Variants in ANKRD31 observed in about 807,000 individuals in gnomAD.
The protein encoded by ANKRD31 is ankyrin repeat domain 31, also known as ankyrin repeat domain-containing protein 31.
In ANKRD31, 147 loss-of-function variants were observed where a neutral mutation model predicts 186.0. The ratio of observed to expected loss-of-function variants is 0.79; its 90% CI spans 0.69 to 0.91. The LOEUF (loss-of-function observed/expected upper bound fraction) is 0.91. Among genes scored for constraint, ANKRD31 ranks in the 40% least tolerant of loss-of-function variants. ANKRD31 has a pLI of 0.00. For missense variants in ANKRD31, 1,986 were observed against 2,148.8 expected, an observed-to-expected ratio of 0.92 and a Z score of 1.50; for synonymous variants, 673 against 736.4, an observed-to-expected ratio of 0.91 and a Z score of 1.39.
chr5:75,117,415 A>G (rs1261929685), intron 18 of ANKRD31, among the ~76,000 whole-genome samples: 2 of 152,156 alleles, frequency 1.3e-5, no homozygotes, highest in African/African-American at 4.8e-5. Flanking sequence ...CTTGACCTTG[A>G]CCTATCCATG....
intron 17 of ANKRD31, among the ~76,000 whole-genome samples, chr5:75,135,613 T>C (rs1443199744): frequency 1.3e-5 from 2 of 152,168 alleles, no homozygotes; most frequent in Non-Finnish European, 2.9e-5. Flanking sequence ...ATAGATTCAA[T>C]GCCATCCCCA....
intron 17 of ANKRD31, among the ~76,000 whole-genome samples, chr5:75,121,078 G>C (rs1748733398): frequency 6.6e-6 from 1 of 151,892 alleles, no homozygotes; most frequent in South Asian, 2.1e-4. Flanking sequence ...AGCTACTTAG[G>C]AGGCTGAGGC....
At chr5:75,205,392 G>A (rs1756110004) in intron 5 of ANKRD31, among the ~76,000 whole-genome samples, 1 of 152,032 alleles carries the variant, frequency 6.6e-6, no homozygotes, top group African/African-American at 2.4e-5. Flanking sequence ...CTCCAGCACT[G>A]GCCCCAGACA....
At chr5:75,156,107 G>T (rs538874498) in intron 11 of ANKRD31, among the ~76,000 whole-genome samples, 1 of 152,204 alleles carries the variant, frequency 6.6e-6, no homozygotes, top group African/African-American at 2.4e-5. Context: ...GTTTCGCCTT[G>T]TTGGCCAGGC....
At chr5:75,185,484 G>T (rs549773468) in intron 10 of ANKRD31, among the ~76,000 whole-genome samples, 62 of 152,184 alleles carry the variant, frequency 4.1e-4, no homozygotes, top group Middle Eastern at 3.4e-3. Flanking sequence ...CTTGAATCTG[G>T]GATGCGGAGG....
intron 11 of ANKRD31, 101 bp from the exon 12 acceptor site, chr5:75,154,446 A>C: frequency 9.5e-7 from 1 of 1,048,072 alleles, no homozygotes; most frequent in Non-Finnish European, 1.3e-6. Flanking sequence ...ATCTCTTTTG[A>C]AAATACTGTT....
At chr5:75,157,786 GCT>G (rs981713905) in intron 11 of ANKRD31, among the ~76,000 whole-genome samples, 5 of 152,180 alleles carry the variant, frequency 3.3e-5, no homozygotes, top group African/African-American at 1.2e-4. Context: ...TTTTGAAAAT[GCT>G]CTGTCTGCAG....
chr5:75,084,125 C>T, intron 24 of ANKRD31, 147 bp downstream of exon 24: 1 of 627,682 alleles, frequency 1.6e-6, no homozygotes, highest in Non-Finnish European at 2.7e-6. Context: ...TACTAAATGC[C>T]ACTGAATTGT....
At chr5:75,105,574 G>A (rs1472758203) in intron 21 of ANKRD31, among the ~76,000 whole-genome samples, 2 of 152,092 alleles carry the variant, frequency 1.3e-5, no homozygotes, top group Non-Finnish European at 2.9e-5. Context: ...CTATTTAGTC[G>A]TTGGTTGGAA....
intron 15 of ANKRD31, among the ~76,000 whole-genome samples, chr5:75,143,536 C>A (rs944252694): frequency 2.6e-5 from 4 of 152,076 alleles, no homozygotes; most frequent in African/African-American, 9.7e-5. Context: ...AGTGGTCCAG[C>A]CTATTGTTTA....
intron 24 of ANKRD31, among the ~76,000 whole-genome samples, chr5:75,083,731 CA>C (rs34820557): frequency 0.18 from 23,602 of 133,332 alleles, 1,952 homozygotes; most frequent in South Asian, 0.4. Flanking sequence ...ACTCTCGTCT[CA>C]AAAAAAAAAA....
chr5:75,081,275 T>C (rs555484253), intron 24 of ANKRD31, among the ~76,000 whole-genome samples: 3 of 147,272 alleles, frequency 2.0e-5, no homozygotes, highest in East Asian at 3.9e-4. Context: ...TTTCCTTTTC[T>C]TTTTTTTTTT....
At chr5:75,203,312 A>G (rs958688696) in intron 5 of ANKRD31, among the ~76,000 whole-genome samples, 1 of 152,222 alleles carries the variant, frequency 6.6e-6, no homozygotes, top group African/African-American at 2.4e-5. Flanking sequence ...AGAATTGGGT[A>G]TGAGAAAAAT....
chr5:75,104,970 C>A lies in ANKRD31; in HGVS notation c.4589G>T (p.Gly1530Val). The A allele has an allele frequency of 6.5e-7, 1 of 1,537,016 alleles. No individual in the cohort carries two copies. Among genetic ancestry groups the A allele is most frequent in the Non-Finnish European group, 8.7e-7 (1 of 1,146,874 alleles). The stretch of plus-strand genomic sequence containing the variant: ...GCTTCCAGAAACAGGAGAAAGTGAA[C>A]CTGATTGGGGATGCTCTAAATTTTC... ...SLENLEHPQS[G>V]SLSPVSGSMQ... Residue 1530 changes from glycine (G) to valine (V), a missense_variant, in exon 22 of 26, where the codon GGT (glycine) becomes GTT (valine). Gly to Val is a moderately radical substitution (Grantham distance 109). Coordinates refer to ENST00000506364, the MANE Select transcript of ANKRD31 (RefSeq NM_001372053.1).
At chr5:75,158,296 G>C (rs1752331881) in intron 11 of ANKRD31, among the ~76,000 whole-genome samples, 1 of 152,142 alleles carries the variant, frequency 6.6e-6, no homozygotes, top group African/African-American at 2.4e-5. Context: ...AAATGGTCTT[G>C]AACCAAGGGT....
chr5:75,101,137 C>T (rs923715903), intron 22 of ANKRD31, among the ~76,000 whole-genome samples: 43 of 152,190 alleles, frequency 2.8e-4, no homozygotes, highest in Admixed American at 1.3e-4. Context: ...CAAAATCTCT[C>T]AGCATTTGCT....
chr5:75,177,175 T>C (rs1471419879), intron 10 of ANKRD31, among the ~76,000 whole-genome samples: 1 of 151,540 alleles, frequency 6.6e-6, no homozygotes, highest in African/African-American at 2.4e-5. Context: ...TGAAGAAAAG[T>C]TTAGAGAAAA....
chr5:75,192,734 A>G lies in ANKRD31; in HGVS notation c.1341T>C (p.Asn447=). 6.5e-7 allele frequency: 1 copy of G among 1,535,626 alleles called. No homozygotes were observed. The highest frequency in any genetic ancestry group is 1.2e-5 in the South Asian group (1 of 83,676). ...PALMIDGKEK[N]MHSARFKNGK... is the part of the protein sequence containing the mutation. The stretch of plus-strand genomic sequence containing the variant: ...CATTCTTGAACCTTGCTGAATGCAT[A>G]TTCTTCTCTTTACCATCAATCATTA... Residue 447 remains asparagine (N), a synonymous_variant, in exon 9 of 26, where the codon AAT becomes AAC. Transcript: ENST00000506364.
intron 17 of ANKRD31, among the ~76,000 whole-genome samples, chr5:75,126,870 A>C (rs1390809990): frequency 6.6e-6 from 1 of 152,212 alleles, no homozygotes; most frequent in Non-Finnish European, 1.5e-5. Context: ...AAGGATTTCA[A>C]TTCCATTTGC....
Sources: allele counts gnomAD v4.1 joint callset (sites outside exome capture counted in the v4.1 genomes callset), GRCh38; gene constraint gnomAD v4.1.1; transcripts MANE v1.5; gene names NCBI Gene and HGNC (gene_info 2026-07-23, HGNC 2026-07-21).